BMP2K: variants seen among roughly 807,000 people sequenced by gnomAD.
BMP2K encodes the protein BMP-2-inducible protein kinase.
BMP2K carries 74 observed loss-of-function variants against 116.0 expected under a neutral mutation model. The observed-to-expected ratio is 0.64, with a 90% CI of 0.53 to 0.77. BMP2K has a LOEUF of 0.77. Among genes scored for constraint, BMP2K ranks in the 30% least tolerant of loss-of-function variants. The pLI, the probability that BMP2K is intolerant of heterozygous loss-of-function variation, is 0.00. For missense variants in BMP2K, 1,365 were observed against 1,403.6 expected (o/e 0.97, Z 0.44); for synonymous variants, 486 against 502.5 (o/e 0.97, Z 0.44).
chr4:78,803,180 G>A (rs922818854), intron 1 of BMP2K, among the ~76,000 whole-genome samples: 2 of 151,896 alleles, frequency 1.3e-5, no homozygotes, highest in African/African-American at 4.8e-5. Flanking sequence ...TTGTTAAAGT[G>A]ACTAACCCCA....
chr4:78,853,352 T>C (rs567426257), intron 7 of BMP2K, among the ~76,000 whole-genome samples: 67 of 152,276 alleles, frequency 4.4e-4, no homozygotes, highest in African/African-American at 1.5e-3. Context: ...TCTTCTTTCT[T>C]TCCTGGAGAC....
intron 9 of BMP2K, among the ~76,000 whole-genome samples, chr4:78,862,764 T>G (rs1398378088): frequency 6.6e-6 from 1 of 152,128 alleles, no homozygotes; most frequent in Non-Finnish European, 1.5e-5. Context: ...GGTGTTACTT[T>G]AAAAATATCT....
chr4:78,912,300 G>A lies in BMP2K; in HGVS notation c.*267G>A, dbSNP rs1734682231. 5.6e-6 allele frequency: 2 copies of A among 357,644 alleles called. No individual in the cohort carries two copies. The highest frequency in any genetic ancestry group is 8.6e-5 in the Admixed American group (2 of 23,306). 22.2% of individuals were successfully genotyped at this position (357,644 alleles called of 1,614,324 possible). On this transcript the variant is annotated 3_prime_UTR_variant, in exon 16 of 16. Coordinates refer to ENST00000502613, the MANE Select transcript of BMP2K (RefSeq NM_198892.2). ...ATCACAACACAGAAATGCAAGTGTG[G>A]TACTTCCAGTGAAAGCACATGGCAC...
intron 6 of BMP2K, among the ~76,000 whole-genome samples, chr4:78,850,085 A>G (rs969469069): frequency 6.6e-6 from 1 of 151,730 alleles, no homozygotes; most frequent in African/African-American, 2.4e-5. Flanking sequence ...AATACCCCTT[A>G]CACTCTTAAG....
In BMP2K at chr4:78,912,518, A is replaced by C. The variant is rs1363298078; in HGVS notation, c.*485A>C. 1 of 153,946 alleles carries C rather than the reference A, an allele frequency of 6.5e-6. No homozygotes were observed. Among genetic ancestry groups the C allele is most frequent in the Non-Finnish European group, 1.4e-5 (1 of 69,326 alleles). 9.5% of individuals were successfully genotyped at this position (153,946 alleles called of 1,614,324 possible). ...ATCTAGTTATCTTAAAGCATTAGAA[A>C]GTTATTATCTGGAGAGTGCAGAGAT... On this transcript the variant is annotated 3_prime_UTR_variant, in exon 16 of 16. Transcript: ENST00000502613.
chr4:78,859,999 A>T (rs770820090), intron 8 of BMP2K: 1 of 536,246 alleles, frequency 1.9e-6, no homozygotes, highest in Admixed American at 2.2e-5. Flanking sequence ...TAACAGTTTA[A>T]TAAACAGGAC....
Position 78,870,921 on chromosome 4 carries a change from A to C in BMP2K, c.1370A>C (p.His457Pro). The part of the protein sequence containing the change: ...RLQQLHLQHR[H>P]PHQQQQQQQQ... ...CAGCAACTCCATTTACAGCATCGTC[A>C]TCCTCACCAGCAGCAGCAGCAGCAG... The change falls in exon 11 of 16, where the codon CAT (histidine) becomes CCT (proline). Residue 457 changes from histidine to proline, a missense_variant. This residue lies in a region of BMP2K where 762 missense variants were observed against 756.7 expected (regional missense o/e 1.01). Coordinates refer to ENST00000502613, the MANE Select transcript of BMP2K (RefSeq NM_198892.2). 1.2e-6 allele frequency: 2 copies of C among 1,611,954 alleles called. No homozygotes were observed. Among genetic ancestry groups the C allele is most frequent in the Non-Finnish European group, 1.7e-6 (2 of 1,180,008 alleles).
intron 11 of BMP2K, 52 bp downstream of exon 11, chr4:78,871,112 A>G (rs758775044): frequency 6.3e-7 from 1 of 1,581,816 alleles, no homozygotes; most frequent in East Asian, 2.2e-5. Context: ...TGATGCAGCA[A>G]ATTGAATATC....
In BMP2K at chr4:78,871,889, C is replaced by A; in HGVS notation, c.1549C>A (p.Gln517Lys). Residue 517 changes from glutamine (Q) to lysine (K), a missense_variant, in exon 12 of 16, where the codon CAA becomes AAA. Around this residue, in one of 3 missense-constraint regions of BMP2K, gnomAD observed 762 missense variants for 756.7 expected, o/e 1.01. Transcript: ENST00000502613. ...ACAGCAGCAACAGATGCTTCAACAACAATTTTTAATGCATTCGGTATATCA... is the reference window on the plus strand; with the variant it reads ...ACAGCAGCAACAGATGCTTCAACAAAAATTTTTAATGCATTCGGTATATCA... ...ATQQQQMLQQ[Q>K]FLMHSVYQPQ... 6.2e-7 allele frequency: 1 copy of A among 1,613,008 alleles called. No individual in the cohort carries two copies. The highest frequency in any genetic ancestry group is 8.5e-7 in the Non-Finnish European group (1 of 1,179,490).
At chr4:78,817,782 C>T (rs1260277356) in intron 1 of BMP2K, among the ~76,000 whole-genome samples, 1 of 152,098 alleles carries the variant, frequency 6.6e-6, no homozygotes, top group Non-Finnish European at 1.5e-5. Context: ...TCTGTCTAAC[C>T]TCTAGTTGGT....
At position 78,842,425 on chromosome 4, in the gene BMP2K, G is replaced by A. The variant is rs948117332; in HGVS notation, c.444G>A (p.Thr148=). Residue 148 remains threonine, a synonymous_variant, in exon 4 of 16, where the codon ACG becomes ACA. Transcript: ENST00000502613. ...VVNQMNKKLQ[T]GFTEPEVLQI... ...ATCAAATGAATAAGAAGCTACAGACGGGTTTTACAGAACCAGAAGTGTTAC... is the reference window on the plus strand; with the variant it reads ...ATCAAATGAATAAGAAGCTACAGACAGGTTTTACAGAACCAGAAGTGTTAC... 1.9e-6 allele frequency: 3 copies of A among 1,605,846 alleles called. No individual in the cohort carries two copies. Among genetic ancestry groups the A allele is most frequent in the Non-Finnish European group, 1.7e-6 (2 of 1,174,282 alleles).
intron 8 of BMP2K, 130 bp downstream of exon 8, chr4:78,859,817 A>G (rs1731683624): frequency 3.1e-6 from 2 of 646,874 alleles, no homozygotes; most frequent in South Asian, 2.0e-5. Flanking sequence ...ATGACAAGTG[A>G]TCTGATTGTG....
In BMP2K at chr4:78,910,815, G is replaced by C; in HGVS notation, c.2268G>C (p.Glu756Asp). The change falls in exon 16 of 16, where the codon GAG (glutamate) becomes GAC (aspartate). Residue 756 changes from glutamate (E) to aspartate (D), a missense_variant. Around this residue, in one of 3 missense-constraint regions of BMP2K, gnomAD observed 596 missense variants for 623.2 expected, o/e 0.96. Transcript: ENST00000502613. ...CCCCTTCTCCTAAGAGCAGTGAAGA[G>C]GAAGAGCAAGATGATGAAGAAGTTC... ...SDPPSPKSSE[E>D]EEQDDEEVLQ... 1 of 1,613,906 alleles carries C rather than the reference G, an allele frequency of 6.2e-7. No homozygotes were observed. The highest frequency in any genetic ancestry group is 8.5e-7 in the Non-Finnish European group (1 of 1,179,866).
intron 15 of BMP2K, among the ~76,000 whole-genome samples, chr4:78,893,779 C>T (rs1733563693): frequency 6.6e-6 from 1 of 152,128 alleles, no homozygotes; most frequent in East Asian, 1.9e-4. Context: ...TGCCCAGGTT[C>T]GTCTTGAACT....
intron 3 of BMP2K, among the ~76,000 whole-genome samples, chr4:78,838,393 A>G (rs980164587): frequency 1.3e-5 from 2 of 152,190 alleles, no homozygotes; most frequent in Non-Finnish European, 2.9e-5. Flanking sequence ...AGGTTACTAC[A>G]TGTATTACAG....
At chr4:78,866,012 G>T (rs1732032312) in intron 10 of BMP2K, among the ~76,000 whole-genome samples, 1 of 152,126 alleles carries the variant, frequency 6.6e-6, no homozygotes, top group African/African-American at 2.4e-5. Context: ...AGGGTTTGAG[G>T]TTGGGAATAA....
intron 9 of BMP2K, among the ~76,000 whole-genome samples, 154 bp from the exon 10 acceptor site, chr4:78,865,403 T>A (rs1263106076): frequency 6.6e-6 from 1 of 152,224 alleles, no homozygotes; most frequent in African/African-American, 2.4e-5. Flanking sequence ...AGTAAACGTT[T>A]AATACTTGAA....
intron 1 of BMP2K, among the ~76,000 whole-genome samples, chr4:78,777,128 G>A (rs1382487801): frequency 6.6e-6 from 1 of 151,976 alleles, no homozygotes; most frequent in Non-Finnish European, 1.5e-5. Context: ...GCCTCCACCC[G>A]CGCTGCAGGG....
intron 1 of BMP2K, 54 bp from the exon 2 acceptor site, chr4:78,825,983 A>AT: frequency 7.7e-7 from 1 of 1,306,788 alleles, no homozygotes; most frequent in Admixed American, 1.8e-5. Flanking sequence ...ATATTACATG[A>AT]TTTTGGCATT....
Sources: gnomAD v4.1 joint callset for allele counts (sites outside exome capture counted in the v4.1 genomes callset) on GRCh38, gnomAD v4.1.1 for gene constraint, gnomAD v4.1.1 regional missense constraint, MANE v1.5 for transcripts, NCBI Gene and HGNC (gene_info 2026-07-23, HGNC 2026-07-21) for gene names.